The following EXOC4 variants were observed in gnomAD, a reference collection of about 807,000 sequenced individuals.
The protein encoded by EXOC4 is SEC8-like 1.
In EXOC4, 71 loss-of-function variants were observed where a neutral mutation model predicts 107.2. The observed-to-expected ratio is 0.66, with a 90% CI of 0.55 to 0.81. The LOEUF is 0.81. EXOC4 is among the 30% of genes least tolerant of loss of function. EXOC4 has a pLI of 0.00. For missense variants in EXOC4, 1,108 were observed against 1,189.6 expected, an observed-to-expected ratio of 0.93 and a Z score of 1.01; for synonymous variants, 456 against 441.2, an observed-to-expected ratio of 1.03 and a Z score of -0.42.
At chr7:133,653,299 T>C (rs528654461) in intron 10 of EXOC4, among the ~76,000 whole-genome samples, 1 of 152,342 alleles carries the variant, frequency 6.6e-6, no homozygotes, top group Admixed American at 6.5e-5. Flanking sequence ...TAGCTTTCAC[T>C]GGCTTTTTCG....
intron 9 of EXOC4, among the ~76,000 whole-genome samples, chr7:133,559,575 G>T (rs1800769314): frequency 6.6e-6 from 1 of 152,134 alleles, no homozygotes; most frequent in African/African-American, 2.4e-5. Flanking sequence ...CAGTTGTAAA[G>T]GACTCAGCTT....
At chr7:133,621,070 G>A (rs1802317640) in intron 9 of EXOC4, among the ~76,000 whole-genome samples, 1 of 152,082 alleles carries the variant, frequency 6.6e-6, no homozygotes, top group African/African-American at 2.4e-5. Context: ...AGAAACATTG[G>A]GCACTGCTGC....
chr7:133,316,086 A>G (rs751213361), intron 4 of EXOC4, among the ~76,000 whole-genome samples: 6 of 152,228 alleles, frequency 3.9e-5, no homozygotes, highest in Admixed American at 1.3e-4. Context: ...TGAAATTATC[A>G]CTTGAACCCG....
intron 14 of EXOC4, among the ~76,000 whole-genome samples, chr7:133,941,349 A>T (rs1433599530): frequency 6.6e-6 from 1 of 152,164 alleles, no homozygotes; most frequent in African/African-American, 2.4e-5. Context: ...TAGGAGTCTC[A>T]TCCACCTGAA....
At chr7:133,947,986 T>C (rs899817187) in intron 14 of EXOC4, among the ~76,000 whole-genome samples, 4 of 152,052 alleles carry the variant, frequency 2.6e-5, no homozygotes, top group African/African-American at 4.8e-5. Flanking sequence ...AATGGCATGC[T>C]GAAATTGCAA....
chr7:133,328,415 T>C (rs1795300281), intron 5 of EXOC4, among the ~76,000 whole-genome samples: 1 of 152,178 alleles, frequency 6.6e-6, no homozygotes, highest in African/African-American at 2.4e-5. Context: ...TTGGGGCATT[T>C]AGCCTGTTTA....
chr7:133,779,069 A>G (rs991432445), intron 10 of EXOC4, among the ~76,000 whole-genome samples: 1 of 152,230 alleles, frequency 6.6e-6, no homozygotes, highest in Non-Finnish European at 1.5e-5. Flanking sequence ...ATCATACAAA[A>G]TCTATTGATT....
intron 10 of EXOC4, among the ~76,000 whole-genome samples, chr7:133,676,169 C>T (rs1258070520): frequency 6.6e-6 from 1 of 151,980 alleles, no homozygotes; most frequent in African/African-American, 2.4e-5. Context: ...GTACCAGGCA[C>T]TGTTCTAGAT....
intron 14 of EXOC4, among the ~76,000 whole-genome samples, chr7:133,991,348 C>A (rs6949760): frequency 0.73 from 110,608 of 151,916 alleles, 40,923 homozygotes; most frequent in East Asian, 0.9. Context: ...TCTGGTTATT[C>A]ATCCCTTGCC....
chr7:134,044,364 G>T (rs1285910411), intron 17 of EXOC4, among the ~76,000 whole-genome samples: 1 of 152,200 alleles, frequency 6.6e-6, no homozygotes, highest in Non-Finnish European at 1.5e-5. Context: ...GGTAGCAAGT[G>T]TGAGGGAAAT....
chr7:133,788,114 C>T (rs1370619742), intron 10 of EXOC4, among the ~76,000 whole-genome samples: 1 of 148,684 alleles, frequency 6.7e-6, no homozygotes, highest in African/African-American at 2.5e-5. Flanking sequence ...CATGCTGTTG[C>T]TTTTCCTTTG....
intron 11 of EXOC4, among the ~76,000 whole-genome samples, chr7:133,872,378 A>G (rs1304214517): frequency 6.6e-6 from 1 of 152,204 alleles, no homozygotes; most frequent in Non-Finnish European, 1.5e-5. Flanking sequence ...TCAACTGTGT[A>G]TTGAACAAGA....
chr7:133,382,287 T>A (rs1303815950), intron 7 of EXOC4, among the ~76,000 whole-genome samples: 2 of 152,090 alleles, frequency 1.3e-5, no homozygotes, highest in African/African-American at 4.8e-5. Context: ...TTTTAGAAAA[T>A]CTGTAAGATG....
intron 10 of EXOC4, among the ~76,000 whole-genome samples, chr7:133,796,529 G>T (rs966980624): frequency 2.6e-5 from 4 of 152,184 alleles, no homozygotes; most frequent in African/African-American, 9.6e-5. Flanking sequence ...GGAGGCCGAG[G>T]TGGGCGGATC....
chr7:133,719,494 G>C (rs1479083197), intron 10 of EXOC4, among the ~76,000 whole-genome samples: 1 of 151,652 alleles, frequency 6.6e-6, no homozygotes, highest in Non-Finnish European at 1.5e-5. Flanking sequence ...CCATGGATTT[G>C]AGTTTTTTGA....
At chr7:133,769,129 G>T (rs1436791570) in intron 10 of EXOC4, among the ~76,000 whole-genome samples, 1 of 151,934 alleles carries the variant, frequency 6.6e-6, no homozygotes, top group Non-Finnish European at 1.5e-5. Context: ...ACGTGCAAAT[G>T]CAGGTAAAGA....
chr7:134,096,615 A>G, the EXOC4 span, among the ~76,000 whole-genome samples: 3 of 152,194 alleles, frequency 2.0e-5, no homozygotes, highest in Non-Finnish European at 4.4e-5. Flanking sequence ...GTCTGTGGCC[A>G]AAGGCCCAAG....
chr7:133,678,908 C>G (rs1794124650), intron 10 of EXOC4, among the ~76,000 whole-genome samples: 1 of 152,212 alleles, frequency 6.6e-6, no homozygotes, highest in African/African-American at 2.4e-5. Flanking sequence ...GCATGAGCCA[C>G]CACACCTGGC....
chr7:133,709,717 G>A (rs1414097357), intron 10 of EXOC4, among the ~76,000 whole-genome samples: 1 of 141,498 alleles, frequency 7.1e-6, no homozygotes, highest in Admixed American at 7.4e-5. Context: ...TGGCTTTTTA[G>A]CCAAATCATC....
Sources: allele counts gnomAD v4.1 joint callset (sites outside exome capture counted in the v4.1 genomes callset), GRCh38; gene constraint gnomAD v4.1.1; transcripts MANE v1.5; gene names NCBI Gene and HGNC (gene_info 2026-07-23, HGNC 2026-07-21).